The following HNRNPLL variants were observed in gnomAD, a reference collection of about 807,000 sequenced individuals.
The protein encoded by HNRNPLL is heterogeneous nuclear ribonucleoprotein L-like.
HNRNPLL carries 25 observed loss-of-function variants against 67.1 expected under a neutral mutation model. The observed-to-expected ratio is 0.37, with a 90% CI of 0.27 to 0.52. The LOEUF (loss-of-function observed/expected upper bound fraction) is 0.52, where lower values mean the gene tolerates loss of function less well. Among genes scored for constraint, HNRNPLL ranks in the 20% least tolerant of loss-of-function variants. The probability of loss-of-function intolerance (pLI) is 0.90; values close to 1 mark genes in which losing one functional copy is unlikely to be tolerated. For missense variants in HNRNPLL, 542 were observed against 673.9 expected (o/e 0.80, Z 2.17); for synonymous variants, 267 against 241.7 (o/e 1.10, Z -0.97).
intron 2 of HNRNPLL, among the ~76,000 whole-genome samples, chr2:38,586,770 G>A (rs1666752177): frequency 6.6e-6 from 1 of 152,160 alleles, no homozygotes; most frequent in Non-Finnish European, 1.5e-5. Context: ...AATCAGGAGT[G>A]TCTATGAGCA....
intron 2 of HNRNPLL, among the ~76,000 whole-genome samples, chr2:38,588,724 T>C (rs1433631921): frequency 6.6e-6 from 1 of 152,126 alleles, no homozygotes; most frequent in Admixed American, 6.5e-5. Flanking sequence ...TGTGCTTAAA[T>C]TGTTTTTTGA....
rs373032863 is a variant in HNRNPLL, at chr2:38,564,279, C to G, written c.1574-42G>C. On this transcript the variant is annotated intron_variant, in intron 12 of 12. Transcript: ENST00000449105. ...ACAGTTAATATTTCACTTCATCAAA[C>G]TTTCAAGATCACCTTGAAGTATCAG... 24 of 1,048,770 alleles carry G rather than the reference C, an allele frequency of 2.3e-5. No homozygotes were observed. The African/African-American group carries it at 3.2e-4, about 14-fold the overall frequency. 65.0% of individuals were successfully genotyped at this position (1,048,770 alleles called of 1,614,324 possible). A position where few individuals can be genotyped will look rare whatever the true frequency, so the allele number is the denominator to read the frequency against.
intron 6 of HNRNPLL, among the ~76,000 whole-genome samples, chr2:38,580,802 T>G (rs1471796667): frequency 6.6e-6 from 1 of 152,202 alleles, no homozygotes; most frequent in Non-Finnish European, 1.5e-5. Context: ...ATTTTCAGAT[T>G]TATCAAGTTT....
chr2:38,569,384 G>T, intron 9 of HNRNPLL, 50 bp from the exon 10 acceptor site: 2 of 1,306,986 alleles, frequency 1.5e-6, no homozygotes, highest in Non-Finnish European at 1.1e-6. Context: ...TAGATAAAAA[G>T]CAGCAAGTAG....
chr2:38,602,744 G>A lies in HNRNPLL; in HGVS notation c.-118C>T, dbSNP rs1667505007. 2 of 1,503,960 alleles carry A rather than the reference G, an allele frequency of 1.3e-6. No homozygotes were observed. Among genetic ancestry groups the A allele is most frequent in the South Asian group, 1.3e-5 (1 of 79,254 alleles). 93.2% of individuals were successfully genotyped at this position (1,503,960 alleles called of 1,614,324 possible). ...CGCCTCTTCTGCGAGGGTCTCCGCG[G>A]CCCGGCCGTCCGCGGGGACTGCGCG... On this transcript the variant is annotated 5_prime_UTR_variant, in exon 1 of 13. Coordinates refer to ENST00000449105, the MANE Select transcript of HNRNPLL (RefSeq NM_138394.4).
chr2:38,601,390 C>G (rs998214177), intron 1 of HNRNPLL, among the ~76,000 whole-genome samples: 14 of 152,038 alleles, frequency 9.2e-5, no homozygotes, highest in Non-Finnish European at 1.9e-4. Context: ...CCCTTTTAAC[C>G]TAATAGTAGG....
chr2:38,582,217 T>C, intron 4 of HNRNPLL, 49 bp from the exon 5 acceptor site: 3 of 1,165,984 alleles, frequency 2.6e-6, no homozygotes, highest in Non-Finnish European at 2.6e-6. Flanking sequence ...TACTTAATCA[T>C]TATTCACTCC....
At position 38,583,862 on chromosome 2, in the gene HNRNPLL, T is replaced by C. The variant is rs1193888971; in HGVS notation, c.611A>G (p.Asn204Ser). 1.3e-6 allele frequency: 2 copies of C among 1,545,436 alleles called. No homozygotes were observed. Among genetic ancestry groups the C allele is most frequent in the Non-Finnish European group, 1.8e-6 (2 of 1,125,770 alleles). ...ATATTCAACCATTGCTTGTATCCCA[T>C]TTCTCTTGAATATAACAATACGTTG... ...KVQRIVIFKRNGIQAMVEFES... is the reference protein window; with the variant it reads ...KVQRIVIFKRSGIQAMVEFES... Residue 204 changes from asparagine to serine, a missense_variant, in exon 4 of 13, where the codon AAT becomes AGT. Physicochemically the swap from Asn to Ser is conservative, Grantham distance 46. Transcript: ENST00000449105.
Position 38,573,251 on chromosome 2 carries a change from T to C in HNRNPLL, c.1051A>G (p.Arg351Gly). 1.2e-6 allele frequency: 2 copies of C among 1,610,260 alleles called. No individual in the cohort carries two copies. Among genetic ancestry groups the C allele is most frequent in the East Asian group, 2.2e-5 (1 of 44,774 alleles). ...GLHQLKMNCS[R>G]VFNLFCLYGN... is the part of the protein sequence containing the mutation. Reference sequence around the variant, plus strand: ...TATAAGCAGAACAGGTTGAAGACTCTTGAACAATTCATTTTTAGTTGATGT... The same window carrying C: ...TATAAGCAGAACAGGTTGAAGACTCCTGAACAATTCATTTTTAGTTGATGT... Residue 351 changes from arginine to glycine, a missense_variant, in exon 8 of 13, where the codon AGA (arginine) becomes GGA (glycine). Transcript: ENST00000449105.
intron 1 of HNRNPLL, among the ~76,000 whole-genome samples, chr2:38,597,232 G>A (rs192883472): frequency 5.9e-5 from 9 of 152,198 alleles, no homozygotes; most frequent in African/African-American, 1.9e-4. Context: ...TTCAATTACC[G>A]ATATTTGTAA....
At chr2:38,573,093 G>C in intron 8 of HNRNPLL, 117 bp downstream of exon 8, 1 of 687,346 alleles carries the variant, frequency 1.5e-6, no homozygotes. Flanking sequence ...GCTTATGTGG[G>C]TCATTACTCA....
chr2:38,578,316 A>T (rs913617554), intron 6 of HNRNPLL, among the ~76,000 whole-genome samples: 1 of 152,110 alleles, frequency 6.6e-6, no homozygotes, highest in Non-Finnish European at 1.5e-5. Context: ...AATTAGAGAC[A>T]TCAACAAAAA....
chr2:38,600,677 G>T (rs923024346), intron 1 of HNRNPLL, among the ~76,000 whole-genome samples: 8 of 151,466 alleles, frequency 5.3e-5, no homozygotes, highest in African/African-American at 1.9e-4. Flanking sequence ...AGGCTGCAGT[G>T]AGCCGTGATC....
intron 8 of HNRNPLL, among the ~76,000 whole-genome samples, chr2:38,571,288 TGCTC>T (rs1367260948): frequency 6.6e-6 from 1 of 152,104 alleles, no homozygotes; most frequent in Non-Finnish European, 1.5e-5. Flanking sequence ...TACGTGAACA[TGCTC>T]TCTCTCTCAC....
At chr2:38,575,880 CTT>C (rs1453741551) in intron 7 of HNRNPLL, among the ~76,000 whole-genome samples, 1 of 151,732 alleles carries the variant, frequency 6.6e-6, no homozygotes, top group African/African-American at 2.4e-5. Flanking sequence ...TTCTCTGCCT[CTT>C]TATTCGCTCT....
intron 1 of HNRNPLL, among the ~76,000 whole-genome samples, chr2:38,600,577 A>C (rs1667388691): frequency 1.3e-5 from 2 of 151,996 alleles, no homozygotes. Context: ...AACACAGAAA[A>C]AAAAAATTGG....
intron 1 of HNRNPLL, among the ~76,000 whole-genome samples, chr2:38,598,028 G>A (rs1213051825): frequency 6.8e-6 from 1 of 146,464 alleles, no homozygotes; most frequent in Non-Finnish European, 1.5e-5. Flanking sequence ...TTTTTTTTTT[G>A]CTCATGTAAT....
At chr2:38,600,155 C>T in intron 1 of HNRNPLL, 1 of 216,294 alleles carries the variant, frequency 4.6e-6, no homozygotes, top group Non-Finnish European at 9.6e-6. Flanking sequence ...ATAAACAAGG[C>T]TTCATTAGAT....
intron 1 of HNRNPLL, 37 bp from the exon 2 acceptor site, chr2:38,591,685 TAAGTCTAA>T: frequency 6.9e-7 from 1 of 1,439,086 alleles, no homozygotes; most frequent in Non-Finnish European, 9.8e-7. Context: ...AAAAAAATTT[TAAGTCTAA>T]GGCCGAACGC....
Sources: gnomAD v4.1 joint callset for allele counts (sites outside exome capture counted in the v4.1 genomes callset) on GRCh38, gnomAD v4.1.1 for gene constraint, MANE v1.5 for transcripts, NCBI Gene and HGNC (gene_info 2026-07-23, HGNC 2026-07-21) for gene names.